The following MYO3A variants were observed in gnomAD, a reference collection of about 807,000 sequenced individuals.
MYO3A encodes the protein myosin IIIA, also known as myosin-IIIa.
In MYO3A, 180 loss-of-function variants were observed where a neutral mutation model predicts 192.7. The observed-to-expected ratio is 0.93, with a 90% CI of 0.83 to 1.06. MYO3A has a LOEUF of 1.06. MYO3A is among the 50% of genes least tolerant of loss of function. The pLI is 0.00. For missense variants in MYO3A, 1,896 were observed against 1,905.0 expected, an observed-to-expected ratio of 1.00 and a Z score of 0.09; for synonymous variants, 628 against 645.3, an observed-to-expected ratio of 0.97 and a Z score of 0.41.
chr10:26,034,884 C>G (rs573636297), intron 10 of MYO3A, among the ~76,000 whole-genome samples: 19 of 150,598 alleles, frequency 1.3e-4, no homozygotes, highest in Non-Finnish European at 2.4e-4. Flanking sequence ...TATATGTGGA[C>G]ATTTATTTGT....
At chr10:26,007,866 G>T (rs1271788880) in intron 6 of MYO3A, among the ~76,000 whole-genome samples, 1 of 151,968 alleles carries the variant, frequency 6.6e-6, no homozygotes, top group Non-Finnish European at 1.5e-5. Flanking sequence ...TTTCTTCACA[G>T]AATTGGAAAA....
chr10:25,960,485 A>G (rs567134495), intron 4 of MYO3A, among the ~76,000 whole-genome samples: 9 of 152,138 alleles, frequency 5.9e-5, no homozygotes, highest in Non-Finnish European at 1.2e-4. Context: ...CTAATAGTCT[A>G]CTGTTGACCA....
At chr10:26,208,619 A>C (rs1230837363) in intron 34 of MYO3A, among the ~76,000 whole-genome samples, 1 of 152,256 alleles carries the variant, frequency 6.6e-6, no homozygotes, top group Non-Finnish European at 1.5e-5. Flanking sequence ...TGAAAATTCA[A>C]GTCAGTAACT....
At chr10:26,198,518 C>G (rs1168034590) in intron 32 of MYO3A, among the ~76,000 whole-genome samples, 1 of 152,226 alleles carries the variant, frequency 6.6e-6, no homozygotes, top group African/African-American at 2.4e-5. Flanking sequence ...AGTTTGGCCA[C>G]TCCAAAGTCT....
intron 6 of MYO3A, among the ~76,000 whole-genome samples, chr10:26,013,365 G>A (rs1841793866): frequency 6.6e-6 from 1 of 151,784 alleles, no homozygotes; most frequent in Non-Finnish European, 1.5e-5. Flanking sequence ...ACAATATTTG[G>A]AATCTATGCA....
chr10:26,122,713 C>T (rs1423832812), intron 18 of MYO3A, among the ~76,000 whole-genome samples: 1 of 152,110 alleles, frequency 6.6e-6, no homozygotes, highest in Non-Finnish European at 1.5e-5. Flanking sequence ...CCCTCTCCCC[C>T]TCCTTCTCCT....
At position 26,174,484 on chromosome 10, in the gene MYO3A, A is replaced by C. The variant is rs767211753; in HGVS notation, c.4220A>C (p.Lys1407Thr). 1 of 1,614,164 alleles carries C rather than the reference A, an allele frequency of 6.2e-7. No homozygotes were observed. Among genetic ancestry groups the C allele is most frequent in the Non-Finnish European group, 8.5e-7 (1 of 1,180,030 alleles). Reference protein sequence around the residue: ...PTKHEEINNIKKKDNKDSKAT... With the variant: ...PTKHEEINNITKKDNKDSKAT... ...AAACATGAGGAAATCAATAACATCAAGAAGAAGGATAACAAAGACTCGAAA... is the reference window on the plus strand; with the variant it reads ...AAACATGAGGAAATCAATAACATCACGAAGAAGGATAACAAAGACTCGAAA... Residue 1407 changes from lysine (K) to threonine (T), a missense_variant, in exon 30 of 35, where the codon AAG becomes ACG. Coordinates refer to ENST00000642920, the MANE Select transcript of MYO3A (RefSeq NM_017433.5).
At chr10:25,972,077 C>G (rs546570684) in intron 4 of MYO3A, among the ~76,000 whole-genome samples, 1 of 152,294 alleles carries the variant, frequency 6.6e-6, no homozygotes, top group South Asian at 2.1e-4. Context: ...GATTTTTCTT[C>G]TGCTGCTTGT....
At chr10:26,200,114 A>G (rs188703458) in intron 32 of MYO3A, among the ~76,000 whole-genome samples, 1 of 152,310 alleles carries the variant, frequency 6.6e-6, no homozygotes, top group African/African-American at 2.4e-5. Context: ...CTGCCCTTAC[A>G]TTATTTCCTG....
intron 17 of MYO3A, among the ~76,000 whole-genome samples, chr10:26,100,227 G>C (rs1165934546): frequency 6.6e-6 from 1 of 152,144 alleles, no homozygotes; most frequent in Non-Finnish European, 1.5e-5. Context: ...ATGGTAGTTT[G>C]TATTTCTGTG....
chr10:26,088,502 T>A, intron 15 of MYO3A, 97 bp downstream of exon 15: 1 of 1,152,270 alleles, frequency 8.7e-7, no homozygotes, highest in Non-Finnish European at 1.3e-6. Context: ...AAATTTTATT[T>A]ATCACTTACT....
intron 12 of MYO3A, among the ~76,000 whole-genome samples, chr10:26,069,116 A>G (rs1460471792): frequency 2.0e-5 from 3 of 152,064 alleles, no homozygotes; most frequent in Non-Finnish European, 4.4e-5. Flanking sequence ...ACATTCAGTT[A>G]TTGGTAACGG....
intron 26 of MYO3A, among the ~76,000 whole-genome samples, chr10:26,162,582 T>C (rs1841534887): frequency 6.6e-6 from 1 of 152,234 alleles, no homozygotes; most frequent in South Asian, 2.1e-4. Context: ...TGCTTTGTAA[T>C]TGCTTCATCC....
At chr10:26,005,628 T>A (rs7905199) in intron 6 of MYO3A, among the ~76,000 whole-genome samples, 90,118 of 151,888 alleles carry the variant, frequency 0.59, 27,166 homozygotes, top group Middle Eastern at 0.73. Context: ...GGTTCAGGAA[T>A]AAAAGTACTT....
intron 17 of MYO3A, among the ~76,000 whole-genome samples, chr10:26,119,894 A>T (rs1041537727): frequency 6.6e-6 from 1 of 151,990 alleles, no homozygotes; most frequent in Non-Finnish European, 1.5e-5. Flanking sequence ...AGTGGTTTAC[A>T]CCAATAATCC....
intron 31 of MYO3A, among the ~76,000 whole-genome samples, chr10:26,181,726 TAAGATGGCAGTGTC>T (rs1046376478): frequency 6.7e-6 from 1 of 148,496 alleles, no homozygotes; most frequent in African/African-American, 2.5e-5. Flanking sequence ...AAACATATGG[TAAGATGGCAGTGTC>T]AACATTTTGA....
At chr10:26,210,066 T>C (rs913041520) in intron 34 of MYO3A, among the ~76,000 whole-genome samples, 4 of 134,632 alleles carry the variant, frequency 3.0e-5, no homozygotes, top group African/African-American at 8.7e-5. Context: ...ATTGTACCAC[T>C]GCACTTTAGC....
At chr10:26,052,492 A>C (rs1292272173) in intron 10 of MYO3A, among the ~76,000 whole-genome samples, 2 of 152,178 alleles carry the variant, frequency 1.3e-5, no homozygotes, top group Non-Finnish European at 2.9e-5. Flanking sequence ...ATACCAGGTC[A>C]AAGGGGTCAA....
intron 4 of MYO3A, among the ~76,000 whole-genome samples, chr10:25,978,612 C>G (rs1365450194): frequency 3.3e-5 from 5 of 152,018 alleles, no homozygotes; most frequent in Admixed American, 3.3e-4. Context: ...AAGTCATATA[C>G]CACCTAAAAT....
Sources: allele counts gnomAD v4.1 joint callset (sites outside exome capture counted in the v4.1 genomes callset), GRCh38; gene constraint gnomAD v4.1.1; transcripts MANE v1.5; gene names NCBI Gene and HGNC (gene_info 2026-07-23, HGNC 2026-07-21).